Variants in ERBB4 observed in about 807,000 individuals in gnomAD.
ERBB4 encodes erb-b2 receptor tyrosine kinase 4.
In ERBB4, 42 loss-of-function variants were observed where a neutral mutation model predicts 158.0. The observed-to-expected ratio is 0.27, with a 90% CI of 0.21 to 0.34. The LOEUF is 0.34. ERBB4 is among the 10% of genes least tolerant of loss of function. The pLI is 1.00. For missense variants in ERBB4, 1,333 were observed against 1,624.1 expected (o/e 0.82, Z 3.08); for synonymous variants, 583 against 558.7 (o/e 1.04, Z -0.61).
At chr2:211,586,250 A>T (rs951556640) in intron 19 of ERBB4, among the ~76,000 whole-genome samples, 1 of 152,162 alleles carries the variant, frequency 6.6e-6, no homozygotes, top group African/African-American at 2.4e-5. Flanking sequence ...CAAATGACAA[A>T]CAAGAAAAAT....
At chr2:212,428,601 A>C (rs1020923433) in intron 1 of ERBB4, among the ~76,000 whole-genome samples, 9 of 152,188 alleles carry the variant, frequency 5.9e-5, no homozygotes, top group African/African-American at 9.6e-5. Flanking sequence ...CTGGTGCAAA[A>C]CATTGTACCT....
intron 3 of ERBB4, among the ~76,000 whole-genome samples, chr2:211,810,855 T>C (rs1410882411): frequency 6.6e-6 from 1 of 151,700 alleles, no homozygotes. Flanking sequence ...TTTGTATTTT[T>C]AGTAGAGACG....
chr2:212,293,846 T>TCA (rs2086298042), intron 1 of ERBB4, among the ~76,000 whole-genome samples: 1 of 10,394 alleles, frequency 9.6e-5, no homozygotes, highest in African/African-American at 2.9e-4. Context: ...AGACTCTGTC[T>TCA]CAAAAAAAAA....
intron 11 of ERBB4, among the ~76,000 whole-genome samples, chr2:211,703,655 G>A (rs747870010): frequency 9.2e-5 from 14 of 151,928 alleles, no homozygotes; most frequent in Non-Finnish European, 1.6e-4. Flanking sequence ...AGCACTACAC[G>A]TACAGTGGTG....
At chr2:212,093,103 G>C (rs886783623) in intron 2 of ERBB4, among the ~76,000 whole-genome samples, 2 of 152,148 alleles carry the variant, frequency 1.3e-5, no homozygotes, top group Non-Finnish European at 2.9e-5. Flanking sequence ...CATGGAAAAT[G>C]CTTCCATACT....
At chr2:211,446,428 A>G (rs1184104449) in intron 20 of ERBB4, among the ~76,000 whole-genome samples, 1 of 152,152 alleles carries the variant, frequency 6.6e-6, no homozygotes, top group Non-Finnish European at 1.5e-5. Flanking sequence ...GAACAAAAAT[A>G]ACTTCGTAGA....
chr2:211,533,077 G>A (rs1054573430), intron 20 of ERBB4, among the ~76,000 whole-genome samples: 4 of 151,502 alleles, frequency 2.6e-5, no homozygotes, highest in Non-Finnish European at 4.4e-5. Flanking sequence ...AATATATCAT[G>A]TAGATATTTC....
chr2:212,289,934 G>C (rs1363348179), intron 1 of ERBB4, among the ~76,000 whole-genome samples: 1 of 152,104 alleles, frequency 6.6e-6, no homozygotes, highest in African/African-American at 2.4e-5. Context: ...CAGCCTTGCA[G>C]AAGTAATATG....
At chr2:211,726,085 A>T (rs2074256158) in intron 5 of ERBB4, among the ~76,000 whole-genome samples, 1 of 152,110 alleles carries the variant, frequency 6.6e-6, no homozygotes, top group South Asian at 2.1e-4. Context: ...TAAGGTATGA[A>T]TTTTACAGGA....
chr2:212,477,631 GA>G (rs1689471337), intron 1 of ERBB4, among the ~76,000 whole-genome samples: 1 of 152,138 alleles, frequency 6.6e-6, no homozygotes, highest in African/African-American at 2.4e-5. Flanking sequence ...TTCCCTTCTT[GA>G]ATATTTCCAC....
intron 1 of ERBB4, among the ~76,000 whole-genome samples, chr2:212,364,689 T>A (rs554035316): frequency 6.6e-6 from 1 of 151,904 alleles, no homozygotes; most frequent in Non-Finnish European, 1.5e-5. Flanking sequence ...CCAAGGCCAC[T>A]GACATTTGTG....
chr2:211,790,367 T>G (rs1233973567), intron 3 of ERBB4, among the ~76,000 whole-genome samples: 3 of 152,016 alleles, frequency 2.0e-5, no homozygotes, highest in Non-Finnish European at 4.4e-5. Flanking sequence ...AGAAAGAGTG[T>G]ATATTTTTCA....
chr2:211,619,358 A>T (rs1247310517), intron 18 of ERBB4, 83 bp from the exon 19 acceptor site: 9 of 788,810 alleles, frequency 1.1e-5, no homozygotes, highest in Non-Finnish European at 1.8e-5. Context: ...TGATATTATA[A>T]CATTCAATCA....
chr2:212,214,368 A>G (rs2083030891), intron 1 of ERBB4, among the ~76,000 whole-genome samples: 2 of 151,816 alleles, frequency 1.3e-5, no homozygotes, highest in Non-Finnish European at 2.9e-5. Flanking sequence ...AGAACCACAT[A>G]TAACTAATGG....
chr2:211,653,965 C>A (rs929008926), intron 16 of ERBB4, among the ~76,000 whole-genome samples: 63 of 152,234 alleles, frequency 4.1e-4, no homozygotes, highest in Middle Eastern at 6.8e-3. Flanking sequence ...TGAGCCACCG[C>A]GCCCTGCCCA....
chr2:211,744,497 C>G (rs1353437771), intron 5 of ERBB4, among the ~76,000 whole-genome samples: 1 of 152,130 alleles, frequency 6.6e-6, no homozygotes, highest in Non-Finnish European at 1.5e-5. Context: ...TCCCACAGAC[C>G]TTCCCTGAAG....
chr2:211,668,568 G>T (rs1448116775), intron 14 of ERBB4, among the ~76,000 whole-genome samples: 1 of 151,974 alleles, frequency 6.6e-6, no homozygotes, highest in Admixed American at 6.6e-5. Flanking sequence ...TAAAGGATAG[G>T]CTGAATCCTT....
rs1311159156 is a variant in ERBB4, at chr2:211,547,073, AAACCAGTG to A, written c.2487+14822_2487+14829del. 2.0e-5 allele frequency among the ~76,000 whole-genome samples: 3 copies of A among 152,090 alleles called. 1 individual carries two copies. The highest frequency in any genetic ancestry group is 6.6e-5 in the Admixed American group (1 of 15,264). On this transcript the variant is annotated intron_variant, in intron 20 of 27. Coordinates refer to ENST00000342788, the MANE Select transcript of ERBB4 (RefSeq NM_005235.3). ...GCACATACACACACAAATTTGTGTA[AAACCAGTG>A]AATCTGAAAAAGTTATGCAGATTTT...
At chr2:212,101,809 A>T (rs897719337) in intron 2 of ERBB4, among the ~76,000 whole-genome samples, 1 of 151,880 alleles carries the variant, frequency 6.6e-6, no homozygotes, top group Admixed American at 6.6e-5. Flanking sequence ...AAAGGTTATA[A>T]AAAGCTTCCT....
Sources: allele counts gnomAD v4.1 joint callset (sites outside exome capture counted in the v4.1 genomes callset), GRCh38; gene constraint gnomAD v4.1.1; transcripts MANE v1.5; gene names NCBI Gene and HGNC (gene_info 2026-07-23, HGNC 2026-07-21).